SCIMP: variants seen among roughly 807,000 people sequenced by gnomAD.
The protein encoded by SCIMP is SLP adaptor and CSK interacting membrane protein.
In SCIMP, 18 loss-of-function variants were observed where a neutral mutation model predicts 22.0. That is an observed-to-expected ratio of 0.82 (90% CI 0.56 to 1.21). The LOEUF (loss-of-function observed/expected upper bound fraction) is 1.21, where lower values mean the gene tolerates loss of function less well. Ranked by LOEUF, SCIMP falls within the 50% of genes most tolerant of loss-of-function variation. SCIMP has a pLI of 0.00. For synonymous variants in SCIMP, 53 were observed against 62.2 expected (o/e 0.85, Z 0.70); for missense variants, 155 against 171.2 (o/e 0.91, Z 0.53).
chr17:5,210,004 C>T lies in SCIMP; in HGVS notation c.*797G>A, dbSNP rs895545684. On this transcript the variant is annotated 3_prime_UTR_variant, in exon 5 of 5. Coordinates refer to ENST00000574081, the MANE Select transcript of SCIMP (RefSeq NM_207103.3). ...TTCTTTCCTGTTCCCCATGATTTGT[C>T]CTGGGGGAAATGTATTTTTCCTGTA... 4.6e-5 allele frequency: 7 copies of T among 152,094 alleles called. No individual in the cohort carries two copies. The highest frequency in any genetic ancestry group is 4.6e-4 in the Admixed American group (7 of 15,250). The allele number at this position is 152,094 out of a possible 1,614,324, so 9.4% of individuals were successfully genotyped here.
chr17:5,213,274 T>TG, intron 4 of SCIMP: 1 of 978,290 alleles, frequency 1.0e-6, no homozygotes, highest in Non-Finnish European at 1.2e-6. Context: ...TTTTTTTTTT[T>TG]TGAGACAGGG....
At chr17:5,230,512 A>G (rs2585292) in intron 1 of SCIMP, among the ~76,000 whole-genome samples, 89,891 of 152,012 alleles carry the variant, frequency 0.59, 27,741 homozygotes, top group Non-Finnish European at 0.7. Context: ...GGAAAGATGA[A>G]AAGGGAAGCC....
chr17:5,224,643 G>A (rs1372848985), intron 1 of SCIMP, among the ~76,000 whole-genome samples: 3 of 151,686 alleles, frequency 2.0e-5, no homozygotes, highest in Non-Finnish European at 2.9e-5. Context: ...TTTTAGTAGA[G>A]ACGGGGTTTC....
chr17:5,227,780 T>C (rs1408311478), intron 1 of SCIMP, among the ~76,000 whole-genome samples: 1 of 152,176 alleles, frequency 6.6e-6, no homozygotes, highest in Non-Finnish European at 1.5e-5. Flanking sequence ...ACAATTTTAG[T>C]TGGTGGAGCC....
rs113995858 is a variant in SCIMP at position 5,223,928 on chromosome 17, C to G, written c.22-472G>C. 4.9e-3 allele frequency among the ~76,000 whole-genome samples: 747 copies of G among 152,312 alleles called. 9 individuals are homozygous for G. Among genetic ancestry groups the G allele is most frequent in the African/African-American group, 0.017 (721 of 41,572 alleles). On this transcript the variant is annotated intron_variant, in intron 1 of 4. Transcript: ENST00000574081. ...ATCACAGCCATACCCTACTCATTAA[C>G]ACCTGGGGGACCTCAGGCATGTCAC... is the stretch of plus-strand genomic sequence containing the variant.
At chr17:5,218,863 A>G (rs574219272) in intron 3 of SCIMP, among the ~76,000 whole-genome samples, 25 of 152,176 alleles carry the variant, frequency 1.6e-4, no homozygotes, top group African/African-American at 6.0e-4. Context: ...GCCTCAAGTG[A>G]TACTCCCACT....
At chr17:5,228,094 A>G (rs1327517233) in intron 1 of SCIMP, among the ~76,000 whole-genome samples, 2 of 151,878 alleles carry the variant, frequency 1.3e-5, no homozygotes, top group African/African-American at 2.4e-5. Context: ...ATTGCTTGAC[A>G]CTGGGAGGCG....
intron 1 of SCIMP, among the ~76,000 whole-genome samples, chr17:5,234,134 G>A (rs2074724813): frequency 6.6e-6 from 1 of 152,110 alleles, no homozygotes; most frequent in South Asian, 2.1e-4. Context: ...AGCCAGGTGT[G>A]GTGGCGGGTG....
chr17:5,213,245 T>C (rs1043947594), intron 4 of SCIMP: 160 of 977,120 alleles, frequency 1.6e-4, no homozygotes, highest in Non-Finnish European at 1.9e-4. Context: ...TGCCCCCTTT[T>C]TGCTTTTCCA....
chr17:5,214,861 AAGAC>A, intron 4 of SCIMP, 60 bp downstream of exon 4: 2 of 766,892 alleles, frequency 2.6e-6, no homozygotes, highest in Non-Finnish European at 4.4e-6. Flanking sequence ...AAAAAAAAAA[AAGAC>A]ACCTTGATAA....
chr17:5,211,848 G>A (rs1020333098), intron 4 of SCIMP, among the ~76,000 whole-genome samples: 1 of 151,946 alleles, frequency 6.6e-6, no homozygotes, highest in Non-Finnish European at 1.5e-5. Context: ...ACCTGAGGTC[G>A]GGAGTTCGAG....
At chr17:5,225,628 G>A (rs1161859158) in intron 1 of SCIMP, among the ~76,000 whole-genome samples, 1 of 152,144 alleles carries the variant, frequency 6.6e-6, no homozygotes, top group Non-Finnish European at 1.5e-5. Flanking sequence ...TGGGCATGGT[G>A]GTGCACGCCT....
At chr17:5,232,364 G>GTAAACAGGGCAGTA (rs2074705388) in intron 1 of SCIMP, among the ~76,000 whole-genome samples, 1 of 7,154 alleles carries the variant, frequency 1.4e-4, no homozygotes, top group Non-Finnish European at 3.4e-4. Context: ...ACAGTGCAGT[G>GTAAACAGGGCAGTA]TAAACAGTGC....
chr17:5,234,154 C>T (rs150796839), intron 1 of SCIMP, among the ~76,000 whole-genome samples: 1,689 of 152,142 alleles, frequency 0.011, 31 homozygotes, highest in African/African-American at 0.038. Flanking sequence ...GCCTGTAATC[C>T]CAGCTACTCA....
At chr17:5,219,604 G>A (rs929431895) in intron 3 of SCIMP, among the ~76,000 whole-genome samples, 7 of 152,174 alleles carry the variant, frequency 4.6e-5, no homozygotes, top group African/African-American at 1.7e-4. Flanking sequence ...CTCCAGCCTG[G>A]GTGACAGACT....
At chr17:5,231,845 G>T (rs1337919110) in intron 1 of SCIMP, among the ~76,000 whole-genome samples, 1 of 152,172 alleles carries the variant, frequency 6.6e-6, no homozygotes, top group African/African-American at 2.4e-5. Flanking sequence ...ACGAGGTCAG[G>T]AGATCAAGAC....
intron 1 of SCIMP, among the ~76,000 whole-genome samples, chr17:5,230,765 AAAAACAAAACAAAAC>A (rs746736451): frequency 6.6e-6 from 1 of 152,000 alleles, no homozygotes; most frequent in Non-Finnish European, 1.5e-5. Flanking sequence ...TACTGAAAAT[AAAAACAAAACAAAAC>A]AAAACAAAAC....
chr17:5,218,270 C>T (rs2074580260), intron 3 of SCIMP, among the ~76,000 whole-genome samples: 1 of 10,658 alleles, frequency 9.4e-5, no homozygotes, highest in Admixed American at 1.5e-3. Context: ...AAGCCATCCT[C>T]CCACTTGGGC....
In SCIMP at chr17:5,210,184, A is replaced by T. The variant is rs908439764; in HGVS notation, c.*617T>A. 1 of 152,204 alleles carries T rather than the reference A, an allele frequency of 6.6e-6. No homozygotes were observed. The highest frequency in any genetic ancestry group is 1.9e-4 in the East Asian group (1 of 5,196). The allele number at this position is 152,204 out of a possible 1,614,324, so 9.4% of individuals were successfully genotyped here. ...CTATGGTCAATTTGGCCTACATCAT[A>T]TAAAGGCACTGGGGTTTGCAGGGTG... is the stretch of plus-strand genomic sequence containing the variant. On this transcript the variant is annotated 3_prime_UTR_variant, in exon 5 of 5. Coordinates refer to ENST00000574081, the MANE Select transcript of SCIMP (RefSeq NM_207103.3).
Sources: allele counts gnomAD v4.1 joint callset (sites outside exome capture counted in the v4.1 genomes callset), GRCh38; gene constraint gnomAD v4.1.1; transcripts MANE v1.5; gene names NCBI Gene and HGNC (gene_info 2026-07-23, HGNC 2026-07-21).